The following TRIM44 variants were observed in gnomAD, a reference collection of about 807,000 sequenced individuals.
The protein encoded by TRIM44 is tripartite motif-containing protein 44.
Under a neutral mutation model 37.4 loss-of-function variants are expected in TRIM44, and 13 were observed. The ratio of observed to expected loss-of-function variants is 0.35; its 90% confidence interval spans 0.23 to 0.55. TRIM44 has a LOEUF of 0.55. Ranked by LOEUF, TRIM44 falls within the 20% of genes least tolerant of loss-of-function variation. The pLI, the probability that TRIM44 is intolerant of heterozygous loss-of-function variation, is 0.89. For missense variants in TRIM44, 426 were observed against 437.2 expected (o/e 0.97, Z 0.23); for synonymous variants, 175 against 157.2 (o/e 1.11, Z -0.85).
intron 2 of TRIM44, among the ~76,000 whole-genome samples, chr11:35,723,957 G>A (rs1344255209): frequency 6.6e-6 from 1 of 152,082 alleles, no homozygotes; most frequent in Admixed American, 6.6e-5. Context: ...AAAATAAAAA[G>A]GAATTATATA....
rs1564986556 is a variant in TRIM44, at chr11:35,735,411, C to T, written c.988-15C>T. ...CAGTGATTTCTAATACTGTTTCTTT[C>T]TGTTTGTCTTTCAGGGCGATGAGGA... On this transcript the variant is annotated splice_polypyrimidine_tract_variant and intron_variant, in intron 3 of 4. Transcript: ENST00000299413. 1 of 1,613,502 alleles carries T rather than the reference C, an allele frequency of 6.2e-7. No homozygotes were observed. The highest frequency in any genetic ancestry group is 8.5e-7 in the Non-Finnish European group (1 of 1,179,548).
Position 35,685,315 on chromosome 11 carries a change from G to A in TRIM44, c.726G>A (p.Lys242=), listed in dbSNP as rs894054607. The change falls in exon 2 of 5, where the codon AAG becomes AAA. Residue 242 remains lysine, a synonymous_variant. Transcript: ENST00000299413. ...TGATCGAATTGGTGGAAAGGTTGAA[G>A]TTCAAGAGCTCAGACCCTAAAGTAA... is the stretch of plus-strand genomic sequence containing the variant. ...AAMIELVERL[K]FKSSDPKVTR... 1 of 1,614,222 alleles carries A rather than the reference G, an allele frequency of 6.2e-7. No individual in the cohort carries two copies. Among genetic ancestry groups the A allele is most frequent in the Non-Finnish European group, 8.5e-7 (1 of 1,180,026 alleles).
At chr11:35,710,541 A>G (rs1055705099) in intron 2 of TRIM44, among the ~76,000 whole-genome samples, 2 of 152,220 alleles carry the variant, frequency 1.3e-5, no homozygotes, top group Admixed American at 6.5e-5. Context: ...GAGTTCAGGC[A>G]TGAATACCAT....
At chr11:35,737,454 G>A (rs1346078372) in intron 4 of TRIM44, among the ~76,000 whole-genome samples, 2 of 152,226 alleles carry the variant, frequency 1.3e-5, no homozygotes, top group East Asian at 3.9e-4. Context: ...GGCTGAGGTG[G>A]GAAGATTGCT....
rs369333767 is a variant in TRIM44 at position 35,663,528 on chromosome 11, C to T, written c.417C>T (p.Ser139=). The change falls in exon 1 of 5, where the codon AGC becomes AGT. Residue 139 remains serine (S), a synonymous_variant. Coordinates refer to ENST00000299413, the MANE Select transcript of TRIM44 (RefSeq NM_017583.6). ...SEEEMEDEQE[S]EAEEDNQEEG... Reference sequence around the variant, plus strand: ...AAGAAATGGAGGATGAGCAAGAAAGCGAGGCCGAAGAAGACAACCAAGAAG... The same window carrying T: ...AAGAAATGGAGGATGAGCAAGAAAGTGAGGCCGAAGAAGACAACCAAGAAG... 5.7e-5 allele frequency: 91 copies of T among 1,605,124 alleles called. No homozygotes were observed. The highest frequency in any genetic ancestry group is 7.6e-5 in the Non-Finnish European group (89 of 1,175,498).
intron 4 of TRIM44, among the ~76,000 whole-genome samples, chr11:35,756,624 A>G (rs1217538676): frequency 1.3e-5 from 2 of 152,174 alleles, no homozygotes; most frequent in Admixed American, 1.3e-4. Flanking sequence ...CCCATTCAGT[A>G]TGATATTGGC....
Position 35,663,495 on chromosome 11 carries a change from C to T in TRIM44, c.384C>T (p.Asp128=), listed in dbSNP as rs779090030. The change falls in exon 1 of 5, where the codon GAC becomes GAT. Residue 128 remains aspartate (D), a synonymous_variant. Coordinates refer to ENST00000299413, the MANE Select transcript of TRIM44 (RefSeq NM_017583.6). Reference sequence around the variant, plus strand: ...AGAGCGATGAGGAGAGTGAAGAAGACAGCGAGGAAGAAATGGAGGATGAGC... The same window carrying T: ...AGAGCGATGAGGAGAGTGAAGAAGATAGCGAGGAAGAAATGGAGGATGAGC... ...EDESDEESEE[D]SEEEMEDEQE... 1.3e-6 allele frequency: 2 copies of T among 1,577,946 alleles called. No individual in the cohort carries two copies. Among genetic ancestry groups the T allele is most frequent in the Non-Finnish European group, 8.6e-7 (1 of 1,161,270 alleles).
chr11:35,767,169 C>T (rs1043998293), intron 4 of TRIM44, among the ~76,000 whole-genome samples: 4 of 152,104 alleles, frequency 2.6e-5, no homozygotes, highest in Non-Finnish European at 5.9e-5. Flanking sequence ...AGTATGGCCT[C>T]CAGGCATGAT....
intron 4 of TRIM44, among the ~76,000 whole-genome samples, chr11:35,788,692 C>T (rs1388333799): frequency 2.0e-5 from 3 of 152,224 alleles, no homozygotes; most frequent in South Asian, 2.1e-4. Flanking sequence ...TGGACCCCTA[C>T]AGTTAATGGC....
intron 4 of TRIM44, among the ~76,000 whole-genome samples, chr11:35,742,727 A>G (rs1300035295): frequency 7.2e-6 from 1 of 138,194 alleles, no homozygotes; most frequent in Non-Finnish European, 1.5e-5. Context: ...AAATATAATT[A>G]TATTAAATAT....
intron 4 of TRIM44, among the ~76,000 whole-genome samples, chr11:35,784,784 A>G (rs986944652): frequency 1.1e-4 from 16 of 152,350 alleles, no homozygotes; most frequent in Admixed American, 9.8e-4. Context: ...AAATTTTGCC[A>G]GGTTTTTATT....
chr11:35,733,046 ATTTG>A (rs1212968312), intron 3 of TRIM44, among the ~76,000 whole-genome samples: 1 of 152,168 alleles, frequency 6.6e-6, no homozygotes, highest in Non-Finnish European at 1.5e-5. Context: ...AATGGCTACT[ATTTG>A]TTGAACGATT....
intron 2 of TRIM44, among the ~76,000 whole-genome samples, chr11:35,708,733 G>T (rs1851923534): frequency 6.6e-6 from 1 of 151,894 alleles, no homozygotes; most frequent in Non-Finnish European, 1.5e-5. Context: ...GACGCAGGAA[G>T]GGGAACATCA....
intron 4 of TRIM44, among the ~76,000 whole-genome samples, chr11:35,754,604 A>G (rs569753674): frequency 2.6e-5 from 4 of 152,048 alleles, no homozygotes; most frequent in African/African-American, 2.4e-5. Flanking sequence ...TGCTGCACCC[A>G]GTAACTCATC....
Position 35,678,582 on chromosome 11 carries a change from C to T in TRIM44, c.670-6677C>T, listed in dbSNP as rs552208131. On this transcript the variant is annotated intron_variant, in intron 1 of 4. Transcript: ENST00000299413. ...TGATTTGATTCCTTAGGAGGACTTC[C>T]TCTCCCCTCCCTCTCCCCTCTCCCC... Among the ~76,000 whole-genome samples, 4 of 151,884 alleles carry T rather than the reference C, an allele frequency of 2.6e-5. No individual in the cohort carries two copies. The East Asian group carries it at 5.8e-4, about 22-fold the overall frequency.
chr11:35,715,163 A>C (rs1025568645), intron 2 of TRIM44, among the ~76,000 whole-genome samples: 5 of 152,138 alleles, frequency 3.3e-5, no homozygotes, highest in African/African-American at 7.2e-5. Context: ...CATGGCAATA[A>C]AGTTATAGCA....
intron 2 of TRIM44, among the ~76,000 whole-genome samples, chr11:35,693,544 T>G (rs1183970582): frequency 6.6e-6 from 1 of 152,148 alleles, no homozygotes; most frequent in Non-Finnish European, 1.5e-5. Flanking sequence ...CTTTAAAGTC[T>G]TAGTTTGATT....
intron 4 of TRIM44, among the ~76,000 whole-genome samples, chr11:35,770,082 A>G (rs757398022): frequency 1.2e-4 from 19 of 152,038 alleles, no homozygotes; most frequent in Non-Finnish European, 2.6e-4. Flanking sequence ...AGTAGTCCCT[A>G]GTGTCTATTA....
At chr11:35,671,858 G>A (rs1851396891) in intron 1 of TRIM44, among the ~76,000 whole-genome samples, 1 of 152,216 alleles carries the variant, frequency 6.6e-6, no homozygotes, top group Admixed American at 6.5e-5. Flanking sequence ...GTGGGTCGAA[G>A]TTTGAACTGA....
Sources: gnomAD v4.1 joint callset for allele counts (sites outside exome capture counted in the v4.1 genomes callset) on GRCh38, gnomAD v4.1.1 for gene constraint, MANE v1.5 for transcripts, NCBI Gene and HGNC (gene_info 2026-07-23, HGNC 2026-07-21) for gene names.